Variants in PDE4D observed in about 807,000 individuals in gnomAD.
The protein encoded by PDE4D is 3',5'-cyclic-AMP phosphodiesterase 4D.
Under a neutral mutation model 87.4 loss-of-function variants are expected in PDE4D, and 24 were observed. The observed-to-expected ratio is 0.27, with a 90% CI of 0.20 to 0.39. The LOEUF (loss-of-function observed/expected upper bound fraction) is 0.39, where lower values mean the gene tolerates loss of function less well. PDE4D is among the 10% of genes least tolerant of loss of function. The probability of loss-of-function intolerance (pLI) is 1.00; values close to 1 mark genes in which losing one functional copy is unlikely to be tolerated. For synonymous variants in PDE4D, 384 were observed against 383.2 expected, an observed-to-expected ratio of 1.00 and a Z score of -0.02; for missense variants, 714 against 1,041.0, an observed-to-expected ratio of 0.69 and a Z score of 4.32.
At chr5:59,231,541 G>T (rs1012074994) in intron 1 of PDE4D, among the ~76,000 whole-genome samples, 4 of 152,214 alleles carry the variant, frequency 2.6e-5, no homozygotes, top group African/African-American at 9.6e-5. Flanking sequence ...AAGGAGAGCT[G>T]CCACATCCTC....
intron 1 of PDE4D, among the ~76,000 whole-genome samples, chr5:60,423,857 T>C (rs1305257410): frequency 2.6e-5 from 4 of 152,074 alleles, no homozygotes; most frequent in Admixed American, 2.0e-4. Context: ...AAAGGTGATA[T>C]CACCACTGAT....
upstream of PDE4D, among the ~76,000 whole-genome samples, chr5:59,895,243 C>T (rs943712255): frequency 6.6e-6 from 1 of 152,228 alleles, no homozygotes. Flanking sequence ...AAAATAAGTG[C>T]TCACTTTGTT....
intron 2 of PDE4D, among the ~76,000 whole-genome samples, chr5:60,044,324 T>C (rs560282819): frequency 1.1e-4 from 17 of 151,984 alleles, no homozygotes; most frequent in African/African-American, 4.1e-4. Flanking sequence ...AAAGATCCTG[T>C]TTCTTAACAT....
intron 5 of PDE4D, among the ~76,000 whole-genome samples, chr5:59,116,978 A>G (rs182542705): frequency 6.6e-6 from 1 of 152,376 alleles, no homozygotes; most frequent in East Asian, 1.9e-4. Context: ...GCTGGTAATT[A>G]TTCAATACAA....
In PDE4D at chr5:59,726,784, T is replaced by C. The variant is rs367812476; in HGVS notation, c.455+166384A>G. Reference sequence around the variant, plus strand: ...ATAACTTTTCAACAGTATGAAGATATAGTTCTTCTTATTCATAAACACACA... The same window carrying C: ...ATAACTTTTCAACAGTATGAAGATACAGTTCTTCTTATTCATAAACACACA... On this transcript the variant is annotated intron_variant, in intron 1 of 14. Transcript: ENST00000340635. Among the ~76,000 whole-genome samples, 25 of 152,266 alleles carry C rather than the reference T, an allele frequency of 1.6e-4. 1 individual carries two copies. The highest frequency in any genetic ancestry group is 5.3e-4 in the African/African-American group (22 of 41,572).
At chr5:60,216,574 TAG>T (rs1459999982) in intron 1 of PDE4D, among the ~76,000 whole-genome samples, 1 of 152,018 alleles carries the variant, frequency 6.6e-6, no homozygotes, top group African/African-American at 2.4e-5. Flanking sequence ...AAGACACAGA[TAG>T]ATTAAAAATA....
chr5:59,988,862 G>A, intron 2 of PDE4D: 1 of 473,422 alleles, frequency 2.1e-6, no homozygotes, highest in East Asian at 3.1e-5. Flanking sequence ...GACATTAACT[G>A]AACAATATTT....
At chr5:59,883,431 G>A (rs1749730995) in intron 1 of PDE4D, among the ~76,000 whole-genome samples, 1 of 152,144 alleles carries the variant, frequency 6.6e-6, no homozygotes, top group South Asian at 2.1e-4. Flanking sequence ...TAAAGAGAAT[G>A]CCCTGTTAAG....
At chr5:60,197,498 A>C (rs1489402925) in intron 1 of PDE4D, among the ~76,000 whole-genome samples, 1 of 151,688 alleles carries the variant, frequency 6.6e-6, no homozygotes, top group Admixed American at 6.6e-5. Flanking sequence ...AATTTAAATA[A>C]AATAAACCAG....
intron 1 of PDE4D, among the ~76,000 whole-genome samples, chr5:59,409,814 A>G (rs1316008774): frequency 6.6e-6 from 1 of 152,180 alleles, no homozygotes; most frequent in Non-Finnish European, 1.5e-5. Context: ...TGAGGAATAA[A>G]GACCCTTGGC....
intron 1 of PDE4D, among the ~76,000 whole-genome samples, chr5:59,613,366 G>C (rs558010040): frequency 6.6e-6 from 1 of 152,196 alleles, no homozygotes; most frequent in South Asian, 2.1e-4. Flanking sequence ...AGACATCATG[G>C]TGGAAATGAC....
At chr5:59,903,452 G>A (rs543241430) in intron 3 of PDE4D, among the ~76,000 whole-genome samples, 97 of 152,216 alleles carry the variant, frequency 6.4e-4, no homozygotes, top group African/African-American at 2.2e-3. Context: ...CTCGTCTAAT[G>A]TTTAGCTGCT....
chr5:59,497,086 G>A (rs1807360160), intron 1 of PDE4D, among the ~76,000 whole-genome samples: 1 of 152,058 alleles, frequency 6.6e-6, no homozygotes, highest in Admixed American at 6.6e-5. Context: ...CAGAGCCTTG[G>A]CGCCCTGAAA....
upstream of PDE4D, among the ~76,000 whole-genome samples, chr5:59,895,774 A>C (rs982936448): frequency 4.6e-5 from 7 of 152,212 alleles, no homozygotes; most frequent in Non-Finnish European, 5.9e-5. Flanking sequence ...CTCTTATTCT[A>C]ATTTCTCATA....
chr5:60,002,218 A>G (rs1026788996), intron 2 of PDE4D, among the ~76,000 whole-genome samples: 1 of 152,046 alleles, frequency 6.6e-6, no homozygotes, highest in African/African-American at 2.4e-5. Context: ...ATAGGGAAAT[A>G]TATTACATGA....
intron 1 of PDE4D, among the ~76,000 whole-genome samples, chr5:59,829,094 A>G (rs1327516599): frequency 6.6e-6 from 1 of 152,036 alleles, no homozygotes; most frequent in Non-Finnish European, 1.5e-5. Context: ...CCCAAAAGTA[A>G]TTGTAGTGAG....
At chr5:60,006,247 G>A (rs1218256071) in intron 2 of PDE4D, among the ~76,000 whole-genome samples, 1 of 151,744 alleles carries the variant, frequency 6.6e-6, no homozygotes, top group African/African-American at 2.4e-5. Flanking sequence ...TAGGTTGGGC[G>A]AAAGCAATTG....
intron 6 of PDE4D, among the ~76,000 whole-genome samples, chr5:59,016,383 G>A (rs1753998630): frequency 7.7e-6 from 1 of 129,452 alleles, no homozygotes. Context: ...TAGATTATCA[G>A]TCTGTTCTTT....
chr5:60,101,290 G>A (rs1776185985), intron 2 of PDE4D, among the ~76,000 whole-genome samples: 1 of 151,996 alleles, frequency 6.6e-6, no homozygotes, highest in South Asian at 2.1e-4. Flanking sequence ...CTCAACATCT[G>A]GTTGCCTTCA....
Sources: allele counts gnomAD v4.1 joint callset (sites outside exome capture counted in the v4.1 genomes callset), GRCh38; gene constraint gnomAD v4.1.1; transcripts MANE v1.5; gene names NCBI Gene and HGNC (gene_info 2026-07-23, HGNC 2026-07-21).